Variants in RXRA observed in about 807,000 individuals in gnomAD.
RXRA encodes the protein retinoid X receptor alpha, also known as retinoic acid receptor RXR-alpha.
In RXRA, 5 loss-of-function variants were observed where a neutral mutation model predicts 44.5. The observed-to-expected ratio is 0.11, with a 90% CI of 0.06 to 0.24. The LOEUF (loss-of-function observed/expected upper bound fraction) is 0.24, where lower values mean the gene tolerates loss of function less well. Ranked by LOEUF, RXRA falls within the 10% of genes least tolerant of loss-of-function variation. The probability of loss-of-function intolerance (pLI) is 1.00; values close to 1 mark genes in which losing one functional copy is unlikely to be tolerated. For synonymous variants in RXRA, 291 were observed against 271.4 expected, an observed-to-expected ratio of 1.07 and a Z score of -0.71; for missense variants, 412 against 646.5, an observed-to-expected ratio of 0.64 and a Z score of 3.93.
At chr9:134,341,240 A>G (rs1421956638) in intron 1 of RXRA, among the ~76,000 whole-genome samples, 1 of 152,228 alleles carries the variant, frequency 6.6e-6, no homozygotes, top group Admixed American at 6.5e-5. Flanking sequence ...CGAGCTACAG[A>G]TAGGGGCTCA....
intron 6 of RXRA, chr9:134,422,782 C>T (rs968108442): frequency 3.0e-6 from 3 of 985,470 alleles, no homozygotes; most frequent in African/African-American, 3.5e-5. Context: ...GTGTACCATG[C>T]GGGGTCTCTC....
intron 1 of RXRA, among the ~76,000 whole-genome samples, chr9:134,381,656 G>C (rs1008830402): frequency 1.3e-5 from 2 of 152,104 alleles, no homozygotes; most frequent in Non-Finnish European, 2.9e-5. Flanking sequence ...GGCCTTGAGG[G>C]ATCTGGCCGG....
chr9:134,394,617 C>T (rs965596487), intron 1 of RXRA, among the ~76,000 whole-genome samples: 1 of 152,192 alleles, frequency 6.6e-6, no homozygotes, highest in Non-Finnish European at 1.5e-5. Context: ...CTTTGGATCC[C>T]CTGCGGACTG....
rs1241637842 is a variant in RXRA, at chr9:134,349,294, C to T, written c.28+22635C>T. Among the ~76,000 whole-genome samples the T allele has an allele frequency of 6.6e-6, 1 of 152,182 alleles. No homozygotes were observed. The highest frequency in any genetic ancestry group is 2.4e-5 in the African/African-American group (1 of 41,440). ...GAGCCCTGCTGACCCCTGTTCTGCA[C>T]CTGGACAGCCGGGTGTCATTGGTGG... On this transcript the variant is annotated intron_variant, in intron 1 of 9. Transcript: ENST00000481739. The surrounding 1 kb of genome is among the most constrained non-coding windows in gnomAD (Gnocchi z 4.3).
At position 134,426,853 on chromosome 9, in the gene RXRA, C is replaced by T. The variant is rs1831442362; in HGVS notation, c.911-2255C>T. The T allele has an allele frequency of 3.0e-6, 3 of 985,366 alleles. No individual in the cohort carries two copies. The highest frequency in any genetic ancestry group is 3.6e-6 in the Non-Finnish European group (3 of 829,908). 61.0% of individuals were successfully genotyped at this position (985,366 alleles called of 1,614,324 possible). A position where few individuals can be genotyped will look rare whatever the true frequency, so the allele number is the denominator to read the frequency against. On this transcript the variant is annotated intron_variant, in intron 6 of 9. Coordinates refer to ENST00000481739, the MANE Select transcript of RXRA (RefSeq NM_002957.6). The surrounding 1 kb of genome is among the most constrained non-coding windows in gnomAD (Gnocchi z 4.6). ...AGATCTTGTCCTCGGCCCCCTGGGT[C>T]CCTGCCCTTGGCCACAGGAAGTCTG...
At chr9:134,401,979 G>A (rs1349047271) in intron 2 of RXRA, 97 bp downstream of exon 2, 2 of 1,038,252 alleles carry the variant, frequency 1.9e-6, no homozygotes, top group Non-Finnish European at 2.8e-6. Flanking sequence ...GCCTCTGGGA[G>A]GTAGGTGCTG....
chr9:134,423,246 C>G (rs1371312907), intron 6 of RXRA: 1 of 985,340 alleles, frequency 1.0e-6, no homozygotes, highest in Admixed American at 6.1e-5. Flanking sequence ...CAGGTCTGCC[C>G]TCACTGCCCG....
chr9:134,379,533 G>A, intron 1 of RXRA: 2 of 986,022 alleles, frequency 2.0e-6, no homozygotes, highest in Non-Finnish European at 2.4e-6. Context: ...CAGTGGCCGT[G>A]GCCCAGGGTC....
chr9:134,381,696 C>T (rs1830648445), intron 1 of RXRA, among the ~76,000 whole-genome samples: 3 of 152,252 alleles, frequency 2.0e-5, no homozygotes, highest in African/African-American at 4.8e-5. Context: ...CAGAGCCCCT[C>T]AGGTGGACTT....
chr9:134,428,383 A>C (rs1306674792), intron 6 of RXRA, among the ~76,000 whole-genome samples: 1 of 75,680 alleles, frequency 1.3e-5, no homozygotes, highest in African/African-American at 5.3e-5. Flanking sequence ...GGGAACCCCC[A>C]CTATGTTGAG....
At chr9:134,423,950 G>A in intron 6 of RXRA, 3 of 985,482 alleles carry the variant, frequency 3.0e-6, no homozygotes, top group Non-Finnish European at 3.6e-6. Context: ...ATCCCAGATG[G>A]TTGTGCGCTG....
At chr9:134,336,684 T>A (rs1193657649) in intron 1 of RXRA, among the ~76,000 whole-genome samples, 2 of 152,124 alleles carry the variant, frequency 1.3e-5, no homozygotes, top group Non-Finnish European at 2.9e-5. Flanking sequence ...TGGCTCTGGA[T>A]CTTTGTGGCT....
chr9:134,417,082 C>T lies in RXRA; in HGVS notation c.611-76C>T, dbSNP rs1024848574. The T allele has an allele frequency of 5.4e-6, 8 of 1,490,508 alleles. No homozygotes were observed. The African/African-American group carries it at 8.3e-5, about 15-fold the overall frequency. 92.3% of individuals were successfully genotyped at this position (1,490,508 alleles called of 1,614,324 possible). ...GTGAGTTGGCTGGGAGCTGGCACCA[C>T]CCGGCCAGGACAGCCTTCCCTGGGA... On this transcript the variant is annotated intron_variant, in intron 4 of 9. Transcript: ENST00000481739. The surrounding 1 kb of genome is among the most constrained non-coding windows in gnomAD (Gnocchi z 6.1).
chr9:134,434,259 G>A, intron 9 of RXRA, 52 bp downstream of exon 9: 7 of 1,371,062 alleles, frequency 5.1e-6, no homozygotes, highest in Non-Finnish European at 7.2e-6. Context: ...CTTGTCTCCA[G>A]AGCCCCCACC....
At chr9:134,420,257 C>A (rs1831307135) in intron 5 of RXRA, among the ~76,000 whole-genome samples, 1 of 152,238 alleles carries the variant, frequency 6.6e-6, no homozygotes, top group Non-Finnish European at 1.5e-5. Context: ...CCCTTTCAGC[C>A]CCCAGCGTGA....
chr9:134,352,982 C>T (rs1554749651), intron 1 of RXRA, among the ~76,000 whole-genome samples: 1 of 152,126 alleles, frequency 6.6e-6, no homozygotes, highest in African/African-American at 2.4e-5. Context: ...GGAAAGCCAG[C>T]TGGGGGCTGT....
At chr9:134,396,005 G>A (rs1340026006) in intron 1 of RXRA, among the ~76,000 whole-genome samples, 2 of 152,220 alleles carry the variant, frequency 1.3e-5, no homozygotes, top group Non-Finnish European at 1.5e-5. Flanking sequence ...CGGGGAGGCG[G>A]GAAACAGATG....
At chr9:134,416,598 C>T (rs1831238854) in intron 4 of RXRA, among the ~76,000 whole-genome samples, 1 of 152,118 alleles carries the variant, frequency 6.6e-6, no homozygotes, top group Non-Finnish European at 1.5e-5. Flanking sequence ...GTGGGGTCTG[C>T]AGGTGCACGG....
In RXRA at chr9:134,407,505, CGCTTG is replaced by C. The variant is rs1564288383; in HGVS notation, c.280-643_280-639del. ...CCAGGGTGACCGGGTGAGTTTCCCACGCTTGCCCGGGCGGCAGCGTGCGGGCCGGC... is the reference window on the plus strand; with the variant it reads ...CCAGGGTGACCGGGTGAGTTTCCCACCCCGGGCGGCAGCGTGCGGGCCGGC... On this transcript the variant is annotated intron_variant, in intron 2 of 9. Coordinates refer to ENST00000481739, the MANE Select transcript of RXRA (RefSeq NM_002957.6). The surrounding 1 kb of genome is among the most constrained non-coding windows in gnomAD (Gnocchi z 4.8). Among the ~76,000 whole-genome samples, 1 of 152,212 alleles carries C rather than the reference CGCTTG, an allele frequency of 6.6e-6. No individual in the cohort carries two copies. Among genetic ancestry groups the C allele is most frequent in the Non-Finnish European group, 1.5e-5 (1 of 68,032 alleles).
Sources: allele counts gnomAD v4.1 joint callset (sites outside exome capture counted in the v4.1 genomes callset), GRCh38; gene constraint gnomAD v4.1.1; non-coding constraint Gnocchi (gnomAD v3.1); transcripts MANE v1.5; gene names NCBI Gene and HGNC (gene_info 2026-07-23, HGNC 2026-07-21).